MAP3K2: variants seen among roughly 807,000 people sequenced by gnomAD.
MAP3K2 encodes mitogen-activated protein kinase kinase kinase 2.
In MAP3K2, 24 loss-of-function variants were observed where a neutral mutation model predicts 80.3. The observed-to-expected ratio is 0.30, with a 90% confidence interval of 0.22 to 0.42. MAP3K2 has a LOEUF of 0.42. Among genes scored for constraint, MAP3K2 ranks in the 10% least tolerant of loss-of-function variants. The pLI, the probability that MAP3K2 is intolerant of heterozygous loss-of-function variation, is 1.00. For synonymous variants in MAP3K2, 244 were observed against 253.7 expected (o/e 0.96, Z 0.36); for missense variants, 608 against 750.1 (o/e 0.81, Z 2.21).
intron 12 of MAP3K2, among the ~76,000 whole-genome samples, chr2:127,318,952 T>C (rs945759300): frequency 3.9e-5 from 6 of 152,040 alleles, no homozygotes; most frequent in Admixed American, 6.6e-5. Context: ...CATGAGAGTA[T>C]TGAACCCTTG....
intron 5 of MAP3K2, among the ~76,000 whole-genome samples, chr2:127,335,377 TA>T (rs1184042946): frequency 6.6e-6 from 1 of 152,242 alleles, no homozygotes; most frequent in South Asian, 2.1e-4. Context: ...TACAGAACAT[TA>T]AAAAGGGGTT....
At chr2:127,366,596 G>A (rs1445682753) in intron 1 of MAP3K2, among the ~76,000 whole-genome samples, 1 of 151,976 alleles carries the variant, frequency 6.6e-6, no homozygotes, top group Non-Finnish European at 1.5e-5. Context: ...TAATCATTTT[G>A]GGCTTATCCA....
At chr2:127,328,707 G>A (rs904518904) in intron 7 of MAP3K2, among the ~76,000 whole-genome samples, 8 of 152,334 alleles carry the variant, frequency 5.3e-5, no homozygotes, top group African/African-American at 1.9e-4. Flanking sequence ...ACACTTCGAA[G>A]AGAATGGTCA....
At chr2:127,361,654 T>C (rs541076197) in intron 1 of MAP3K2, among the ~76,000 whole-genome samples, 8 of 152,322 alleles carry the variant, frequency 5.3e-5, no homozygotes, top group South Asian at 4.1e-4. Context: ...CTTTCTCTTA[T>C]CGAGTTTTAA....
chr2:127,311,003 TAAG>T (rs902777980), intron 15 of MAP3K2, among the ~76,000 whole-genome samples: 25 of 152,198 alleles, frequency 1.6e-4, no homozygotes, highest in African/African-American at 5.5e-4. Flanking sequence ...AAACGGTCTC[TAAG>T]AAGGAGACTG....
intron 7 of MAP3K2, among the ~76,000 whole-genome samples, chr2:127,328,421 T>C (rs1221887013): frequency 2.6e-5 from 4 of 152,224 alleles, no homozygotes; most frequent in Admixed American, 1.3e-4. Context: ...TACAATAAGC[T>C]TTCTAGTTTG....
In MAP3K2 at chr2:127,310,213, T is replaced by C. The variant is rs892419005; in HGVS notation, c.1457-1451A>G. Reference sequence around the variant, plus strand: ...TTGCCATACCCCCATCATTGTATCCTTGGCTTTTGTTTTGGAGCACTTTCT... The same window carrying C: ...TTGCCATACCCCCATCATTGTATCCCTGGCTTTTGTTTTGGAGCACTTTCT... On this transcript the variant is annotated intron_variant, in intron 15 of 16. Transcript: ENST00000682094. This position sits in a 1 kb window ranked among gnomAD's most constrained non-coding sequence, Gnocchi z 4.8. Among the ~76,000 whole-genome samples, 3 of 152,218 alleles carry C rather than the reference T, an allele frequency of 2.0e-5. No homozygotes were observed. The highest frequency in any genetic ancestry group is 2.9e-5 in the Non-Finnish European group (2 of 68,036).
upstream of MAP3K2, chr2:127,388,020 G>A: frequency 5.1e-6 from 5 of 983,384 alleles, no homozygotes; most frequent in Non-Finnish European, 6.0e-6. Context: ...GCTCGTGCGC[G>A]CGCACCCCTC....
At chr2:127,352,676 T>TTCCCTC (rs1038309817) in intron 1 of MAP3K2, among the ~76,000 whole-genome samples, 6 of 151,966 alleles carry the variant, frequency 3.9e-5, no homozygotes, top group African/African-American at 1.5e-4. Context: ...GAGTGCATGC[T>TTCCCTC]TCCCTCTCCC....
Position 127,330,442 on chromosome 2 carries a change from T to C in MAP3K2, c.328A>G (p.Ile110Val), listed in dbSNP as rs55767983. ...AATATCTTGAGGCTCTTCATATGAA[T>C]ACTACGATCCAGCAGTTCCACAGCT... is the stretch of plus-strand genomic sequence containing the variant. Reference protein sequence around the residue: ...DKAVELLDRSIHMKSLKILLV... With the variant: ...DKAVELLDRSVHMKSLKILLV... Residue 110 changes from isoleucine to valine, a missense_variant, in exon 6 of 17, where the codon ATT becomes GTT. Coordinates refer to ENST00000682094, the MANE Select transcript of MAP3K2 (RefSeq NM_001371910.2). The C allele has an allele frequency of 2.4e-4, 383 of 1,610,510 alleles. 5 individuals are homozygous for C. In the East Asian group the frequency reaches 7.8e-3, roughly 33 times the overall value.
Position 127,307,893 on chromosome 2 carries a change from CA to C in MAP3K2, c.1635-90del. On this transcript the variant is annotated intron_variant, in intron 16 of 16. Transcript: ENST00000682094. The surrounding 1 kb of genome is among the most constrained non-coding windows in gnomAD (Gnocchi z 5.4). ...GAAAATGAGAAACAGGCATTAAGTC[CA>C]TATATATTTAAATATGACTTAATTT... The C allele has an allele frequency of 3.9e-6, 3 of 771,214 alleles. No individual in the cohort carries two copies. Among genetic ancestry groups the C allele is most frequent in the Non-Finnish European group, 6.0e-6 (3 of 496,166 alleles). 47.8% of individuals were successfully genotyped at this position (771,214 alleles called of 1,614,324 possible). A position where few individuals can be genotyped will look rare whatever the true frequency, so the allele number is the denominator to read the frequency against.
chr2:127,325,612 A>C, intron 9 of MAP3K2, 116 bp downstream of exon 9: 1 of 718,142 alleles, frequency 1.4e-6, no homozygotes, highest in Non-Finnish European at 2.4e-6. Context: ...TGATGGAGCC[A>C]AGGAGGTCAA....
chr2:127,306,867 T>C lies in MAP3K2; in HGVS notation c.*712A>G, dbSNP rs1685710645. On this transcript the variant is annotated 3_prime_UTR_variant, in exon 17 of 17. Coordinates refer to ENST00000682094, the MANE Select transcript of MAP3K2 (RefSeq NM_001371910.2). This position sits in a 1 kb window ranked among gnomAD's most constrained non-coding sequence, Gnocchi z 4.7. ...TTTTCCGTGTGTGTGTGTGTGTGTG[T>C]GTGTGTGTTTTTAAGCAGAAAGCTA... The C allele has an allele frequency of 6.6e-6, 1 of 152,420 alleles. No homozygotes were observed. 9.4% of individuals were successfully genotyped at this position (152,420 alleles called of 1,614,324 possible).
intron 15 of MAP3K2, among the ~76,000 whole-genome samples, chr2:127,313,839 CTG>C (rs1685852483): frequency 6.6e-6 from 1 of 152,058 alleles, no homozygotes; most frequent in African/African-American, 2.4e-5. Flanking sequence ...TGGCACATGA[CTG>C]TTTATTTATT....
intron 15 of MAP3K2, among the ~76,000 whole-genome samples, chr2:127,311,968 T>A (rs1685815728): frequency 6.6e-6 from 1 of 152,180 alleles, no homozygotes; most frequent in Admixed American, 6.5e-5. Context: ...GCTGACTGCG[T>A]CCCAAAGAAT....
chr2:127,349,031 C>T (rs1312750459), intron 1 of MAP3K2, among the ~76,000 whole-genome samples: 3 of 152,154 alleles, frequency 2.0e-5, no homozygotes, highest in Non-Finnish European at 2.9e-5. Context: ...TTTGTAAGCA[C>T]TGACAACTTT....
chr2:127,340,886 A>G (rs528033421), intron 2 of MAP3K2, among the ~76,000 whole-genome samples: 2 of 152,182 alleles, frequency 1.3e-5, no homozygotes, highest in African/African-American at 4.8e-5. Context: ...ATTTGAATTT[A>G]AACAATTTTA....
At chr2:127,319,212 A>G (rs1685965634) in intron 12 of MAP3K2, among the ~76,000 whole-genome samples, 1 of 140,292 alleles carries the variant, frequency 7.1e-6, no homozygotes, top group South Asian at 2.4e-4. Context: ...TTAAAGACCC[A>G]CTGAGGCTAG....
chr2:127,301,053 GTTCTCAACTGCATTAAGGGA>G lies in MAP3K2; in HGVS notation c.*6506_*6525del, dbSNP rs1280926305. ...TTTCGGTATGGTCATGAACTTTACTGTTCTCAACTGCATTAAGGGATTCTCAACTGCATTAAGGGATTCAG... is the reference window on the plus strand; with the variant it reads ...TTTCGGTATGGTCATGAACTTTACTGTTCTCAACTGCATTAAGGGATTCAG... On this transcript the variant is annotated 3_prime_UTR_variant, in exon 17 of 17. Transcript: ENST00000682094. 5.3e-5 allele frequency: 8 copies of G among 152,292 alleles called. No individual in the cohort carries two copies. The highest frequency in any genetic ancestry group is 1.7e-4 in the African/African-American group (7 of 41,556). 9.4% of individuals were successfully genotyped at this position (152,292 alleles called of 1,614,324 possible).
Sources: gnomAD v4.1 joint callset for allele counts (sites outside exome capture counted in the v4.1 genomes callset) on GRCh38, gnomAD v4.1.1 for gene constraint, Gnocchi (gnomAD v3.1) non-coding constraint, MANE v1.5 for transcripts, NCBI Gene and HGNC (gene_info 2026-07-23, HGNC 2026-07-21) for gene names.